The following CHST8 variants were observed in gnomAD, a reference collection of about 807,000 sequenced individuals.
CHST8 encodes the protein carbohydrate sulfotransferase 8.
Under a neutral mutation model 15.0 loss-of-function variants are expected in CHST8, and 10 were observed. The observed-to-expected ratio is 0.67, with a 90% CI of 0.41 to 1.13. CHST8 has a LOEUF of 1.13. CHST8 is among the 50% of genes most tolerant of loss of function. The pLI, the probability that CHST8 is intolerant of heterozygous loss-of-function variation, is 0.00. For synonymous variants in CHST8, 259 were observed against 256.6 expected, an observed-to-expected ratio of 1.01 and a Z score of -0.09; for missense variants, 634 against 608.2, an observed-to-expected ratio of 1.04 and a Z score of -0.45.
intron 1 of CHST8, among the ~76,000 whole-genome samples, chr19:33,643,075 C>G (rs1380861394): frequency 1.3e-5 from 2 of 152,084 alleles, no homozygotes; most frequent in Admixed American, 6.5e-5. Flanking sequence ...TGCAGTATAC[C>G]TTTGTGCCAT....
intron 3 of CHST8, among the ~76,000 whole-genome samples, chr19:33,695,827 T>TC (rs1175672400): frequency 6.4e-5 from 9 of 141,490 alleles, no homozygotes; most frequent in African/African-American, 1.1e-4. Flanking sequence ...CTTTCTTTTT[T>TC]TTTTTTTTTT....
intron 3 of CHST8, among the ~76,000 whole-genome samples, chr19:33,749,155 A>G (rs879868288): frequency 1.3e-5 from 2 of 152,090 alleles, no homozygotes; most frequent in Non-Finnish European, 2.9e-5. Context: ...CCACCTCACC[A>G]CAGGTCCCGC....
chr19:33,679,973 A>G (rs1036592410), intron 2 of CHST8, among the ~76,000 whole-genome samples: 11 of 152,172 alleles, frequency 7.2e-5, no homozygotes, highest in Admixed American at 4.6e-4. Context: ...GTCCAGCCCT[A>G]TCTTCCTTCT....
chr19:33,720,124 G>A (rs896175349), intron 3 of CHST8, among the ~76,000 whole-genome samples: 6 of 152,124 alleles, frequency 3.9e-5, no homozygotes, highest in Non-Finnish European at 7.4e-5. Flanking sequence ...CACGGAAGAA[G>A]GGCATGGGCA....
chr19:33,743,768 A>C lies in CHST8; in HGVS notation c.131-27645A>C, dbSNP rs1479042992. ...CCCTTATCAATTACTGCTCTATCCA[A>C]CTTTGTGTTCTGCTTTTTTCTTTTT... is the stretch of plus-strand genomic sequence containing the variant. On this transcript the variant is annotated intron_variant, in intron 3 of 4. Transcript: ENST00000650847. Among the ~76,000 whole-genome samples the C allele has an allele frequency of 2.7e-5, 4 of 148,522 alleles. No homozygotes were observed. The Admixed American group carries it at 2.7e-4, about 10-fold the overall frequency.
At chr19:33,766,718 G>A (rs1004626490) in intron 3 of CHST8, among the ~76,000 whole-genome samples, 3 of 152,202 alleles carry the variant, frequency 2.0e-5, no homozygotes, top group African/African-American at 4.8e-5. Context: ...TTGCCTTCAG[G>A]GAACTCCCCA....
rs1975019328 is a variant in CHST8 at position 33,772,593 on chromosome 19, C to T, written c.805C>T (p.Arg269Cys). Residue 269 changes from arginine to cysteine, a missense_variant, in exon 5 of 5, where the codon CGC (arginine) becomes TGC (cysteine). Transcript: ENST00000650847. ...EPFERLVSAF[R>C]DKFEHPNSYY... ...CTTCGAGAGGCTGGTGTCCGCCTTC[C>T]GCGACAAGTTTGAGCACCCCAACAG... 1 of 1,613,922 alleles carries T rather than the reference C, an allele frequency of 6.2e-7. No individual in the cohort carries two copies. Among genetic ancestry groups the T allele is most frequent in the African/African-American group, 1.3e-5 (1 of 74,936 alleles).
intron 3 of CHST8, among the ~76,000 whole-genome samples, chr19:33,727,967 C>T (rs1422731824): frequency 1.3e-5 from 2 of 152,268 alleles, no homozygotes; most frequent in Non-Finnish European, 2.9e-5. Flanking sequence ...TCCCAAAGAG[C>T]AGGCTGCGGG....
rs1971991065 is a variant in CHST8, at chr19:33,622,134, C to G, written c.-326C>G. The G allele has an allele frequency of 6.6e-6, 1 of 152,248 alleles. No homozygotes were observed. Among genetic ancestry groups the G allele is most frequent in the Non-Finnish European group, 1.5e-5 (1 of 68,104 alleles). 9.4% of individuals were successfully genotyped at this position (152,248 alleles called of 1,614,324 possible). On this transcript the variant is annotated 5_prime_UTR_variant, in exon 1 of 5. Transcript: ENST00000650847. The stretch of plus-strand genomic sequence containing the variant: ...CGGCTGCCGGCCCCACGCTGCTCGC[C>G]CACAGATCGCACTGGGTTCCGCTTG...
At chr19:33,744,672 C>A (rs1192617660) in intron 3 of CHST8, among the ~76,000 whole-genome samples, 1 of 152,198 alleles carries the variant, frequency 6.6e-6, no homozygotes, top group Non-Finnish European at 1.5e-5. Flanking sequence ...TCAAGCAATC[C>A]TTCCACCTCA....
chr19:33,763,672 C>G (rs568637085), intron 3 of CHST8, among the ~76,000 whole-genome samples: 1 of 152,224 alleles, frequency 6.6e-6, no homozygotes, highest in Non-Finnish European at 1.5e-5. Flanking sequence ...TTTTTCCGGG[C>G]GTTCTGTGCC....
chr19:33,751,069 TG>T (rs1974409329), intron 3 of CHST8, among the ~76,000 whole-genome samples: 1 of 152,190 alleles, frequency 6.6e-6, no homozygotes, highest in African/African-American at 2.4e-5. Flanking sequence ...TTGCAACAGA[TG>T]CTGTTGCAGA....
At chr19:33,655,412 C>T (rs1972499287) in intron 1 of CHST8, among the ~76,000 whole-genome samples, 1 of 152,140 alleles carries the variant, frequency 6.6e-6, no homozygotes, top group African/African-American at 2.4e-5. Context: ...ATTTTTGTTT[C>T]ATCTTTGGCA....
At position 33,757,600 on chromosome 19, in the gene CHST8, GAAA is replaced by G. The variant is rs1568359163; in HGVS notation, c.131-13812_131-13810del. Reference sequence around the variant, plus strand: ...AGAAAGAAAGAAAGAAAGAAAGAAAGAAAGAGCCGGCCATTCAGAAGGGAGCAG... The same window carrying G: ...AGAAAGAAAGAAAGAAAGAAAGAAAGGAGCCGGCCATTCAGAAGGGAGCAG... On this transcript the variant is annotated intron_variant, in intron 3 of 4. Coordinates refer to ENST00000650847, the MANE Select transcript of CHST8 (RefSeq NM_001127895.2). Among the ~76,000 whole-genome samples, 61 of 142,708 alleles carry G rather than the reference GAAA, an allele frequency of 4.3e-4. 4 individuals are homozygous for G. The highest frequency in any genetic ancestry group is 1.4e-3 in the African/African-American group (55 of 38,394). 93.6% of individuals were successfully genotyped at this position (142,708 alleles called of 152,430 possible). A position where few individuals can be genotyped will look rare whatever the true frequency, so the allele number is the denominator to read the frequency against.
rs891223479 is a variant in CHST8, at chr19:33,756,200, A to G, written c.131-15213A>G. 2.1e-4 allele frequency among the ~76,000 whole-genome samples: 32 copies of G among 152,358 alleles called. No homozygotes were observed. The South Asian group carries it at 2.3e-3, about 11-fold the overall frequency. Reference sequence around the variant, plus strand: ...TGATGATGGCCAATTCCAGGTGCGCATGAAGATCGTGAAAATAACAGCTAT... The same window carrying G: ...TGATGATGGCCAATTCCAGGTGCGCGTGAAGATCGTGAAAATAACAGCTAT... On this transcript the variant is annotated intron_variant, in intron 3 of 4. Coordinates refer to ENST00000650847, the MANE Select transcript of CHST8 (RefSeq NM_001127895.2).
chr19:33,764,997 C>G (rs1429194551), intron 3 of CHST8, among the ~76,000 whole-genome samples: 1 of 148,644 alleles, frequency 6.7e-6, no homozygotes, highest in East Asian at 1.9e-4. Flanking sequence ...CAGTCTCACC[C>G]AGGTGGCTGC....
At position 33,772,562 on chromosome 19, in the gene CHST8, C is replaced by A. The variant is rs1428716230; in HGVS notation, c.774C>A (p.Arg258=). ...LSTYTKMLFV[R]EPFERLVSAF... is the part of the protein sequence containing the mutation. ...CCTACACCAAGATGCTCTTTGTCCGCGAGCCCTTCGAGAGGCTGGTGTCCG... is the reference window on the plus strand; with the variant it reads ...CCTACACCAAGATGCTCTTTGTCCGAGAGCCCTTCGAGAGGCTGGTGTCCG... The change falls in exon 5 of 5, where the codon CGC becomes CGA. Residue 258 remains arginine (R), a synonymous_variant. Coordinates refer to ENST00000650847, the MANE Select transcript of CHST8 (RefSeq NM_001127895.2). 1.2e-6 allele frequency: 2 copies of A among 1,614,060 alleles called. No individual in the cohort carries two copies. The highest frequency in any genetic ancestry group is 2.2e-5 in the South Asian group (2 of 91,078).
At chr19:33,734,819 C>T (rs1359896762) in intron 3 of CHST8, among the ~76,000 whole-genome samples, 4 of 152,146 alleles carry the variant, frequency 2.6e-5, no homozygotes, top group African/African-American at 9.7e-5. Flanking sequence ...GACATGGGGA[C>T]AGGGAAAGGC....
chr19:33,637,228 G>A (rs1972216362), intron 1 of CHST8, among the ~76,000 whole-genome samples: 1 of 152,068 alleles, frequency 6.6e-6, no homozygotes, highest in African/African-American at 2.4e-5. Context: ...TGTATCTTGT[G>A]CTGACCTCCT....
Sources: allele counts gnomAD v4.1 joint callset (sites outside exome capture counted in the v4.1 genomes callset), GRCh38; gene constraint gnomAD v4.1.1; transcripts MANE v1.5; gene names NCBI Gene and HGNC (gene_info 2026-07-23, HGNC 2026-07-21).